Variants in CDH18 observed in about 807,000 individuals in gnomAD.
CDH18 encodes the protein cadherin 18, also known as cadherin-18.
CDH18 carries 31 observed loss-of-function variants against 67.9 expected under a neutral mutation model. That is an observed-to-expected ratio of 0.46 (90% CI 0.34 to 0.62). The LOEUF (loss-of-function observed/expected upper bound fraction) is 0.62. Ranked by LOEUF, CDH18 falls within the 20% of genes least tolerant of loss-of-function variation. The pLI, the probability that CDH18 is intolerant of heterozygous loss-of-function variation, is 0.01. For synonymous variants in CDH18, 362 were observed against 347.2 expected (o/e 1.04, Z -0.48); for missense variants, 890 against 975.5 (o/e 0.91, Z 1.17).
intron 2 of CDH18, among the ~76,000 whole-genome samples, chr5:19,894,232 T>A (rs1384282634): frequency 6.6e-6 from 1 of 152,028 alleles, no homozygotes; most frequent in South Asian, 2.1e-4. Flanking sequence ...AAGACTACAG[T>A]ATTTCAATGT....
At chr5:19,646,086 T>A (rs544027306) in intron 5 of CDH18, among the ~76,000 whole-genome samples, 1 of 152,048 alleles carries the variant, frequency 6.6e-6, no homozygotes, top group East Asian at 1.9e-4. Flanking sequence ...GAGGTGAAAA[T>A]AAAGTAATTA....
At chr5:20,568,158 A>G (rs1242430684) in intron 1 of CDH18, among the ~76,000 whole-genome samples, 1 of 152,200 alleles carries the variant, frequency 6.6e-6, no homozygotes, top group Admixed American at 6.5e-5. Flanking sequence ...ACAAATGTTA[A>G]AAAGCCTTCT....
At chr5:20,432,112 A>G (rs542923441) in intron 1 of CDH18, among the ~76,000 whole-genome samples, 1 of 152,258 alleles carries the variant, frequency 6.6e-6, no homozygotes, top group South Asian at 2.1e-4. Flanking sequence ...GTGACAATAT[A>G]CTGTTCTGAA....
At chr5:19,554,803 T>A (rs1371947342) in intron 8 of CDH18, among the ~76,000 whole-genome samples, 1 of 152,088 alleles carries the variant, frequency 6.6e-6, no homozygotes, top group Middle Eastern at 3.2e-3. Flanking sequence ...CTTCTATATC[T>A]TTAATGAAAC....
chr5:20,172,738 C>A (rs1159620114), intron 2 of CDH18, among the ~76,000 whole-genome samples: 5 of 151,968 alleles, frequency 3.3e-5, no homozygotes, highest in Non-Finnish European at 7.4e-5. Flanking sequence ...CACTTGTAAT[C>A]CCAGCACTTT....
At chr5:20,262,387 C>T (rs1744720894) in intron 1 of CDH18, among the ~76,000 whole-genome samples, 1 of 152,136 alleles carries the variant, frequency 6.6e-6, no homozygotes, top group Non-Finnish European at 1.5e-5. Context: ...ATAATGAGAA[C>T]CTAAACTTGA....
chr5:19,899,890 G>A (rs1393993398), intron 2 of CDH18, among the ~76,000 whole-genome samples: 6 of 152,088 alleles, frequency 3.9e-5, no homozygotes, highest in Non-Finnish European at 7.4e-5. Context: ...TGATTGTCAA[G>A]CTCAGAAACA....
chr5:19,974,308 G>C (rs908880133), intron 2 of CDH18, among the ~76,000 whole-genome samples: 1 of 151,934 alleles, frequency 6.6e-6, no homozygotes, highest in Non-Finnish European at 1.5e-5. Flanking sequence ...GAGGCGGGCA[G>C]ATCACTTGAG....
intron 1 of CDH18, among the ~76,000 whole-genome samples, chr5:20,519,507 T>C (rs999570804): frequency 7.9e-5 from 12 of 152,012 alleles, no homozygotes; most frequent in African/African-American, 2.9e-4. Context: ...CATTAGGAGA[T>C]ATACCTAATG....
intron 1 of CDH18, among the ~76,000 whole-genome samples, chr5:20,299,421 C>G (rs1747782491): frequency 6.8e-6 from 1 of 146,504 alleles, no homozygotes; most frequent in Admixed American, 6.8e-5. Context: ...CACACACACA[C>G]ACACACACAC....
intron 2 of CDH18, among the ~76,000 whole-genome samples, chr5:19,872,517 C>G (rs1474670821): frequency 2.0e-5 from 3 of 152,278 alleles, no homozygotes; most frequent in African/African-American, 2.4e-5. Flanking sequence ...TGAGGTCAGA[C>G]AAGCTTCCTA....
intron 5 of CDH18, among the ~76,000 whole-genome samples, chr5:19,690,824 G>C (rs1220213549): frequency 1.3e-5 from 2 of 151,706 alleles, no homozygotes; most frequent in African/African-American, 2.4e-5. Flanking sequence ...GGACCTAAAG[G>C]TTTCACTGCT....
chr5:20,504,038 GAA>G (rs201250312), intron 1 of CDH18, among the ~76,000 whole-genome samples: 70,223 of 142,144 alleles, frequency 0.49, 16,637 homozygotes, highest in East Asian at 0.58. Flanking sequence ...ACTCTGTCAA[GAA>G]AAAAAAAAAA....
intron 1 of CDH18, among the ~76,000 whole-genome samples, chr5:20,454,812 T>G (rs891006845): frequency 2.0e-5 from 3 of 152,116 alleles, no homozygotes; most frequent in Non-Finnish European, 4.4e-5. Context: ...ATTGGGTTGT[T>G]AATGAATAGA....
chr5:20,255,143 G>C (rs958907868), intron 2 of CDH18, among the ~76,000 whole-genome samples: 2 of 152,144 alleles, frequency 1.3e-5, no homozygotes, highest in Non-Finnish European at 2.9e-5. Context: ...GAGGGAAGGA[G>C]AGGGAGGATG....
intron 1 of CDH18, among the ~76,000 whole-genome samples, chr5:20,326,067 T>C (rs574547096): frequency 6.6e-6 from 1 of 152,338 alleles, no homozygotes; most frequent in African/African-American, 2.4e-5. Context: ...CATTTTACTC[T>C]AGATACTCTT....
chr5:19,529,539 TGAAGATTTA>T (rs1748268459), intron 9 of CDH18, among the ~76,000 whole-genome samples: 1 of 151,966 alleles, frequency 6.6e-6, no homozygotes, highest in Non-Finnish European at 1.5e-5. Flanking sequence ...TTATTATCTA[TGAAGATTTA>T]TTATCTATGA....
chr5:20,349,361 T>G (rs2150054646), intron 1 of CDH18, among the ~76,000 whole-genome samples: 1 of 152,288 alleles, frequency 6.6e-6, no homozygotes, highest in Non-Finnish European at 1.5e-5. Context: ...TTACATCCGT[T>G]AAAAATGCAG....
chr5:20,449,042 T>C (rs1750229587), intron 1 of CDH18, among the ~76,000 whole-genome samples: 1 of 152,088 alleles, frequency 6.6e-6, no homozygotes, highest in Non-Finnish European at 1.5e-5. Context: ...AGGATGTACC[T>C]AAGTACATTG....
Sources: gnomAD v4.1 joint callset for allele counts (sites outside exome capture counted in the v4.1 genomes callset) on GRCh38, gnomAD v4.1.1 for gene constraint, MANE v1.5 for transcripts, NCBI Gene and HGNC (gene_info 2026-07-23, HGNC 2026-07-21) for gene names.